Variants in OR4M1 observed in about 807,000 individuals in gnomAD.
The protein encoded by OR4M1 is olfactory receptor 4M1.
In OR4M1, 7 loss-of-function variants were observed where a neutral mutation model predicts 9.8. That is an observed-to-expected ratio of 0.71 (90% CI 0.41 to 1.34). OR4M1 has a LOEUF of 1.34. Among genes scored for constraint, OR4M1 ranks in the 40% most tolerant of loss-of-function variants. The pLI is 0.01. For missense variants in OR4M1, 331 were observed against 380.4 expected (o/e 0.87, Z 1.08); for synonymous variants, 121 against 139.8 (o/e 0.87, Z 0.95).
At position 19,781,203 on chromosome 14, in the gene OR4M1, A is replaced by C; in HGVS notation, c.881A>C (p.Lys294Thr). 1 of 1,614,070 alleles carries C rather than the reference A, an allele frequency of 6.2e-7. No individual in the cohort carries two copies. The highest frequency in any genetic ancestry group is 1.6e-4 in the Middle Eastern group (1 of 6,062). The stretch of plus-strand genomic sequence containing the variant: ...CCCATTATTTACACATTGAGAAACA[A>C]GGAAGTAAAGGCAGCCATGAGGAAG... ...LNPIIYTLRNKEVKAAMRKVV... is the reference protein window; with the variant it reads ...LNPIIYTLRNTEVKAAMRKVV... Residue 294 changes from lysine to threonine, a missense_variant, in exon 2 of 2, where the codon AAG becomes ACG. Coordinates refer to ENST00000641200, the MANE Select transcript of OR4M1 (RefSeq NM_001005500.2).
In OR4M1 at chr14:19,782,869, A is replaced by G. The variant is rs559444309; in HGVS notation, c.*1605A>G. 1 of 151,920 alleles carries G rather than the reference A, an allele frequency of 6.6e-6. No individual in the cohort carries two copies. Among genetic ancestry groups the G allele is most frequent in the East Asian group, 1.9e-4 (1 of 5,184 alleles). The allele number at this position is 151,920 out of a possible 1,614,324, so 9.4% of individuals were successfully genotyped here. A position where few individuals can be genotyped will look rare whatever the true frequency, so the allele number is the denominator to read the frequency against. ...TAAAGTACAAAAGATATATATATAT[A>G]ATATGATAAAATGATGAGTTATGTT... On this transcript the variant is annotated 3_prime_UTR_variant, in exon 2 of 2. Transcript: ENST00000641200.
At chr14:19,774,455 T>C (rs968956929) in intron 1 of OR4M1, among the ~76,000 whole-genome samples, 1 of 152,240 alleles carries the variant, frequency 6.6e-6, no homozygotes, top group Non-Finnish European at 1.5e-5. Context: ...AGTAGATATA[T>C]AAATGAGACA....
chr14:19,777,843 G>T (rs1341041972), intron 1 of OR4M1, among the ~76,000 whole-genome samples: 1 of 152,024 alleles, frequency 6.6e-6, no homozygotes, highest in African/African-American at 2.4e-5. Flanking sequence ...GAAACTAGGT[G>T]TTTGTTCTTC....
intron 1 of OR4M1, among the ~76,000 whole-genome samples, chr14:19,779,363 C>T (rs866006071): frequency 1.3e-5 from 2 of 152,114 alleles, no homozygotes; most frequent in African/African-American, 2.4e-5. Flanking sequence ...CAAAACTTAC[C>T]TTGGTGTGGC....
intron 1 of OR4M1, among the ~76,000 whole-genome samples, chr14:19,775,912 G>C (rs2138427541): frequency 6.6e-6 from 1 of 151,802 alleles, no homozygotes; most frequent in Admixed American, 6.6e-5. Flanking sequence ...GTTTCTTCTT[G>C]CCTAGTTTAC....
intron 1 of OR4M1, among the ~76,000 whole-genome samples, chr14:19,779,453 A>G (rs1261055161): frequency 1.3e-5 from 2 of 152,232 alleles, no homozygotes; most frequent in East Asian, 3.8e-4. Context: ...GTTTTGTTCT[A>G]CTTAGTGGTG....
In OR4M1 at chr14:19,778,354, T is replaced by C. The variant is rs1211930745; in HGVS notation, c.-29-1940T>C. Among the ~76,000 whole-genome samples, 9 of 152,314 alleles carry C rather than the reference T, an allele frequency of 5.9e-5. No individual in the cohort carries two copies. The East Asian group carries it at 1.7e-3, about 29-fold the overall frequency. On this transcript the variant is annotated intron_variant, in intron 1 of 1. Transcript: ENST00000641200. ...GTAGAGCAGAGGAGGAAGGGGTGAT[T>C]TGTGTGACGACACTCAGAATCATTG...
chr14:19,777,132 G>T (rs1247811864), intron 1 of OR4M1, among the ~76,000 whole-genome samples: 1 of 149,342 alleles, frequency 6.7e-6, no homozygotes, highest in African/African-American at 2.5e-5. Flanking sequence ...ATTGCAAATT[G>T]TATTAAGCTA....
intron 1 of OR4M1, among the ~76,000 whole-genome samples, chr14:19,777,339 G>T (rs139089722): frequency 0.017 from 2,543 of 151,584 alleles, 18 homozygotes; most frequent in Non-Finnish European, 0.027. Context: ...TTCTTAAAAT[G>T]CTTTTCTTCA....
rs928531991 is a variant in OR4M1, at chr14:19,781,359, A to G, written c.*95A>G. 4.5e-6 allele frequency: 5 copies of G among 1,114,902 alleles called. No individual in the cohort carries two copies. The Admixed American group carries it at 1.2e-4, about 26-fold the overall frequency. 69.1% of individuals were successfully genotyped at this position (1,114,902 alleles called of 1,614,324 possible). A position where few individuals can be genotyped will look rare whatever the true frequency, so the allele number is the denominator to read the frequency against. On this transcript the variant is annotated 3_prime_UTR_variant, in exon 2 of 2. Coordinates refer to ENST00000641200, the MANE Select transcript of OR4M1 (RefSeq NM_001005500.2). Reference sequence around the variant, plus strand: ...AATGCTGCATTCACTTCCTCCGTTCATTTGTGTTCTTAAAATTTTACTATA... The same window carrying G: ...AATGCTGCATTCACTTCCTCCGTTCGTTTGTGTTCTTAAAATTTTACTATA...
rs1878516950 is a variant in OR4M1, at chr14:19,782,076, A to C, written c.*812A>C. 1 of 152,296 alleles carries C rather than the reference A, an allele frequency of 6.6e-6. No homozygotes were observed. The highest frequency in any genetic ancestry group is 2.1e-4 in the South Asian group (1 of 4,834). 9.4% of individuals were successfully genotyped at this position (152,296 alleles called of 1,614,324 possible). On this transcript the variant is annotated 3_prime_UTR_variant, in exon 2 of 2. Coordinates refer to ENST00000641200, the MANE Select transcript of OR4M1 (RefSeq NM_001005500.2). ...GGAATTGGTAGACATCTAGCCGTGT[A>C]GTTTTTTTCTAAACTATCATCTCCT...
intron 1 of OR4M1, among the ~76,000 whole-genome samples, chr14:19,779,401 A>ATATT (rs1878399483): frequency 6.6e-6 from 1 of 152,260 alleles, no homozygotes; most frequent in Admixed American, 6.5e-5. Flanking sequence ...AAAGAAAAGC[A>ATATT]TATTTGGTAA....
chr14:19,782,180 T>C lies in OR4M1; in HGVS notation c.*916T>C, dbSNP rs1594379982. On this transcript the variant is annotated 3_prime_UTR_variant, in exon 2 of 2. Coordinates refer to ENST00000641200, the MANE Select transcript of OR4M1 (RefSeq NM_001005500.2). ...TTAAATTGGTTAGGTGCTGTTTTTG[T>C]TAGCGCTTAATTCAGAGTTATTTCC... is the stretch of plus-strand genomic sequence containing the variant. The C allele has an allele frequency of 6.6e-6, 1 of 152,374 alleles. No individual in the cohort carries two copies. Among genetic ancestry groups the C allele is most frequent in the East Asian group, 1.9e-4 (1 of 5,190 alleles). The allele number at this position is 152,374 out of a possible 1,614,324, so 9.4% of individuals were successfully genotyped here.
At chr14:19,779,978 C>T (rs1461839155) in intron 1 of OR4M1, among the ~76,000 whole-genome samples, 1 of 152,226 alleles carries the variant, frequency 6.6e-6, no homozygotes, top group Non-Finnish European at 1.5e-5. Flanking sequence ...AGTAGCTTCA[C>T]ATATTGCTTA....
intron 1 of OR4M1, among the ~76,000 whole-genome samples, chr14:19,775,289 C>G (rs906025568): frequency 2.0e-5 from 3 of 152,174 alleles, no homozygotes; most frequent in Non-Finnish European, 4.4e-5. Context: ...CCTCCTATAG[C>G]TTATTGAGCA....
Position 19,781,429 on chromosome 14 carries a change from T to G in OR4M1, c.*165T>G, listed in dbSNP as rs1178650060. On this transcript the variant is annotated 3_prime_UTR_variant, in exon 2 of 2. Coordinates refer to ENST00000641200, the MANE Select transcript of OR4M1 (RefSeq NM_001005500.2). ...TCTTTATATTGAAAAAATAGAGGCA[T>G]TAAGATGAAAATAAATTTACTCACA... 2 of 699,568 alleles carry G rather than the reference T, an allele frequency of 2.9e-6. No homozygotes were observed. Among genetic ancestry groups the G allele is most frequent in the Admixed American group, 3.3e-5 (1 of 30,102 alleles). The allele number at this position is 699,568 out of a possible 1,614,324, so 43.3% of individuals were successfully genotyped here. A position where few individuals can be genotyped will look rare whatever the true frequency, so the allele number is the denominator to read the frequency against.
In OR4M1 at chr14:19,780,513, C is replaced by A; in HGVS notation, c.191C>A (p.Ala64Asp). 6.2e-7 allele frequency: 1 copy of A among 1,614,248 alleles called. No homozygotes were observed. Among genetic ancestry groups the A allele is most frequent in the Non-Finnish European group, 8.5e-7 (1 of 1,180,020 alleles). Residue 64 changes from alanine (A) to aspartate (D), a missense_variant, in exon 2 of 2, where the codon GCT (alanine) becomes GAT (aspartate). Ala to Asp is a moderately radical substitution (Grantham distance 126). Coordinates refer to ENST00000641200, the MANE Select transcript of OR4M1 (RefSeq NM_001005500.2). ...ACTTCTCCTATGTATTTCCTGTTGGCTAATCTGGCCCTCCTTGATATTTGG... is the reference window on the plus strand; with the variant it reads ...ACTTCTCCTATGTATTTCCTGTTGGATAATCTGGCCCTCCTTGATATTTGG... ...HLTSPMYFLL[A>D]NLALLDIWYS... is the part of the protein sequence containing the mutation.
intron 1 of OR4M1, among the ~76,000 whole-genome samples, chr14:19,776,777 C>T (rs1330444737): frequency 6.6e-6 from 1 of 151,904 alleles, no homozygotes; most frequent in African/African-American, 2.4e-5. Flanking sequence ...GTTTATTTAG[C>T]CCAATTTTAT....
intron 1 of OR4M1, among the ~76,000 whole-genome samples, chr14:19,779,899 C>CA (rs1283876385): frequency 1.3e-5 from 2 of 152,102 alleles, no homozygotes; most frequent in Non-Finnish European, 2.9e-5. Flanking sequence ...GATTTTGCAA[C>CA]AAAAAATAAG....
Sources: allele counts gnomAD v4.1 joint callset (sites outside exome capture counted in the v4.1 genomes callset), GRCh38; gene constraint gnomAD v4.1.1; transcripts MANE v1.5; gene names NCBI Gene and HGNC (gene_info 2026-07-23, HGNC 2026-07-21).